Variants in ITIH2 observed in about 807,000 individuals in gnomAD.
The protein encoded by ITIH2 is inter-alpha-trypsin inhibitor heavy chain 2.
In ITIH2, 103 loss-of-function variants were observed where a neutral mutation model predicts 104.4. That is an observed-to-expected ratio of 0.99 (90% confidence interval 0.84 to 1.16). ITIH2 has a LOEUF of 1.16. ITIH2 is among the 50% of genes most tolerant of loss of function. The pLI, the probability that ITIH2 is intolerant of heterozygous loss-of-function variation, is 0.00. For missense variants in ITIH2, 1,108 were observed against 1,162.4 expected (o/e 0.95, Z 0.68); for synonymous variants, 436 against 435.4 (o/e 1.00, Z -0.02).
chr10:7,730,316 T>C (rs1834990688), intron 12 of ITIH2, among the ~76,000 whole-genome samples, 183 bp downstream of exon 12: 1 of 152,208 alleles, frequency 6.6e-6, no homozygotes, highest in African/African-American at 2.4e-5. Flanking sequence ...ACCCTCATAT[T>C]TCTGCAGTAA....
rs193117127 is a variant in ITIH2, at chr10:7,704,665, G to A, written c.85-443G>A. On this transcript the variant is annotated intron_variant, in intron 1 of 20. Coordinates refer to ENST00000358415, the MANE Select transcript of ITIH2 (RefSeq NM_002216.3). ...CCCTCCATTTGGACACCTCTGAGAC[G>A]TAACCAGCAAATAGAAATATACTAA... Among the ~76,000 whole-genome samples, 204 of 152,226 alleles carry A rather than the reference G, an allele frequency of 1.3e-3. 1 individual carries two copies. Among genetic ancestry groups the A allele is most frequent in the Admixed American group, 0.011 (165 of 15,294 alleles).
chr10:7,746,559 A>G, intron 19 of ITIH2, 34 bp from the exon 20 acceptor site: 1 of 1,370,474 alleles, frequency 7.3e-7, no homozygotes, highest in Non-Finnish European at 1.0e-6. Flanking sequence ...AACTATGATT[A>G]CATGTCAATC....
chr10:7,710,157 C>A (rs936429323), intron 4 of ITIH2, among the ~76,000 whole-genome samples: 5 of 152,192 alleles, frequency 3.3e-5, no homozygotes, highest in African/African-American at 1.2e-4. Flanking sequence ...TGGCCTTGAA[C>A]TTGGCTTCTT....
intron 2 of ITIH2, among the ~76,000 whole-genome samples, chr10:7,706,986 G>A (rs953968718): frequency 6.6e-6 from 1 of 152,080 alleles, no homozygotes; most frequent in African/African-American, 2.4e-5. Flanking sequence ...TGACACACAC[G>A]CCACCAGAAC....
chr10:7,709,022 G>T lies in ITIH2; in HGVS notation c.193G>T (p.Glu65Ter). 6.2e-7 allele frequency: 1 copy of T among 1,613,460 alleles called. No homozygotes were observed. The highest frequency in any genetic ancestry group is 8.5e-7 in the Non-Finnish European group (1 of 1,179,494). Reference protein sequence around the residue: ...SLPGESEEMMEEVDQVTLYSY... With the variant: ...SLPGESEEMM Reference sequence around the variant, plus strand: ...AGTTATGCTTTCTTGCCAATTTCAGGAAGAGGTTGATCAAGTAACTCTTTA... The same window carrying T: ...AGTTATGCTTTCTTGCCAATTTCAGTAAGAGGTTGATCAAGTAACTCTTTA... The change falls in exon 4 of 21, where the codon GAA becomes TAA. Residue 65 changes from glutamate (E) to a stop codon, truncating the protein, a stop_gained and splice_region_variant. Transcript: ENST00000358415. LOFTEE classifies it high-confidence loss of function.
chr10:7,717,089 G>C (rs2130943948), intron 5 of ITIH2, among the ~76,000 whole-genome samples: 1 of 152,128 alleles, frequency 6.6e-6, no homozygotes, highest in Admixed American at 6.5e-5. Context: ...GAGTAGCTGG[G>C]ATTACAGGAA....
Position 7,729,997 on chromosome 10 carries a change from T to A in ITIH2, c.1325T>A (p.Ile442Asn). 6.2e-7 allele frequency: 1 copy of A among 1,612,914 alleles called. No homozygotes were observed. The highest frequency in any genetic ancestry group is 8.5e-7 in the Non-Finnish European group (1 of 1,179,550). Residue 442 changes from isoleucine (I) to asparagine (N), a missense_variant, in exon 12 of 21, where the codon ATC (isoleucine) becomes AAC (asparagine). Physicochemically the swap from Ile to Asn is moderately radical, Grantham distance 149. Transcript: ENST00000358415. ...SKIQKNVKENIQDNISLFSLG... is the reference protein window; with the variant it reads ...SKIQKNVKENNQDNISLFSLG... ...ATTCAGAAAAACGTTAAGGAGAACA[T>A]CCAAGACAATATCTCCTTGTTCAGT...
At chr10:7,739,243 T>C (rs1835101673) in intron 16 of ITIH2, among the ~76,000 whole-genome samples, 1 of 152,238 alleles carries the variant, frequency 6.6e-6, no homozygotes, top group Non-Finnish European at 1.5e-5. Context: ...CGTTGCAGCC[T>C]TCACCCACAG....
rs1835074896 is a variant in ITIH2, at chr10:7,737,678, TTTCTATATTATATTCTATATA to T, written c.1958-942_1958-922del. Among the ~76,000 whole-genome samples, 19 of 15,658 alleles carry T rather than the reference TTTCTATATTATATTCTATATA, an allele frequency of 1.2e-3. 1 individual carries two copies. The highest frequency in any genetic ancestry group is 1.4e-3 in the African/African-American group (5 of 3,518). The allele number at this position is 15,658 out of a possible 152,430, so 10.3% of individuals were successfully genotyped here. ...TTATATTCTATATTATATTCTATAT[TTTCTATATTATATTCTATATA>T]ATATTCTATATTATATTCTATATAA... On this transcript the variant is annotated intron_variant, in intron 15 of 20. Coordinates refer to ENST00000358415, the MANE Select transcript of ITIH2 (RefSeq NM_002216.3).
intron 5 of ITIH2, 130 bp from the exon 6 acceptor site, chr10:7,717,496 A>G (rs988784783): frequency 4.0e-6 from 3 of 750,798 alleles, no homozygotes; most frequent in Non-Finnish European, 6.8e-6. Flanking sequence ...TAGTGTACCT[A>G]CTGTTCACTT....
chr10:7,705,116 C>T lies in ITIH2; in HGVS notation c.93C>T (p.Asp31=), dbSNP rs1834734291. The stretch of plus-strand genomic sequence containing the variant: ...TCCTAATTTTTTTTAAGTTTGTAGA[C>T]TATGAAGATCTTGTGGAACTGGCCC... ...IPINGLSEFV[D]YEDLVELAPG... Residue 31 remains aspartate (D), a synonymous_variant, in exon 2 of 21, where the codon GAC becomes GAT. Coordinates refer to ENST00000358415, the MANE Select transcript of ITIH2 (RefSeq NM_002216.3). The T allele has an allele frequency of 1.2e-6, 2 of 1,605,190 alleles. No homozygotes were observed. Among genetic ancestry groups the T allele is most frequent in the Non-Finnish European group, 1.7e-6 (2 of 1,174,308 alleles).
At chr10:7,735,250 A>G (rs1434775669) in intron 15 of ITIH2, among the ~76,000 whole-genome samples, 159 bp downstream of exon 15, 15 of 152,158 alleles carry the variant, frequency 9.9e-5, no homozygotes, top group Non-Finnish European at 1.5e-5. Flanking sequence ...TGGGAGGAGG[A>G]TGGATTATTG....
At chr10:7,705,700 T>TAA (rs34935493) in intron 2 of ITIH2, among the ~76,000 whole-genome samples, 5,974 of 131,798 alleles carry the variant, frequency 0.045, 155 homozygotes, top group African/African-American at 0.057. Context: ...CCACTCCATT[T>TAA]AAAAAAAAAA....
intron 16 of ITIH2, among the ~76,000 whole-genome samples, chr10:7,739,412 G>A (rs3802591): frequency 0.023 from 3,542 of 152,300 alleles, 59 homozygotes; most frequent in South Asian, 0.079. Context: ...AGCCTGACTT[G>A]AGTGTTTGAA....
intron 14 of ITIH2, among the ~76,000 whole-genome samples, chr10:7,732,919 G>A (rs184115202): frequency 6.6e-6 from 1 of 152,102 alleles, no homozygotes; most frequent in African/African-American, 2.4e-5. Context: ...AGTAGAGACG[G>A]GGTTTCACCA....
At chr10:7,733,259 T>A (rs1465106901) in intron 14 of ITIH2, among the ~76,000 whole-genome samples, 1 of 152,136 alleles carries the variant, frequency 6.6e-6, no homozygotes, top group Non-Finnish European at 1.5e-5. Context: ...CAATATGATG[T>A]TGGTGAGATT....
At chr10:7,708,641 C>T (rs1834768823) in intron 3 of ITIH2, among the ~76,000 whole-genome samples, 3 of 152,128 alleles carry the variant, frequency 2.0e-5, no homozygotes, top group Admixed American at 6.5e-5. Context: ...CTTTCAACCT[C>T]GCAATCCAGT....
At chr10:7,718,838 G>A (rs963469698) in intron 6 of ITIH2, among the ~76,000 whole-genome samples, 2 of 152,152 alleles carry the variant, frequency 1.3e-5, no homozygotes, top group African/African-American at 4.8e-5. Flanking sequence ...AGGTTAAGTG[G>A]ATTGTCTTCC....
intron 4 of ITIH2, among the ~76,000 whole-genome samples, chr10:7,711,403 A>G (rs4463754): frequency 0.07 from 10,659 of 152,272 alleles, 389 homozygotes; most frequent in Admixed American, 0.084. Flanking sequence ...CTCTGCTCTG[A>G]GCTGAATCTA....
Sources: allele counts gnomAD v4.1 joint callset (sites outside exome capture counted in the v4.1 genomes callset), GRCh38; gene constraint gnomAD v4.1.1; transcripts MANE v1.5; gene names NCBI Gene and HGNC (gene_info 2026-07-23, HGNC 2026-07-21).